MTCL1: variants seen among roughly 807,000 people sequenced by gnomAD.
The protein encoded by MTCL1 is microtubule crosslinking factor 1.
Under a neutral mutation model 141.4 loss-of-function variants are expected in MTCL1, and 79 were observed. That is an observed-to-expected ratio of 0.56 (90% CI 0.47 to 0.67). MTCL1 has a LOEUF of 0.67. Ranked by LOEUF, MTCL1 falls within the 30% of genes least tolerant of loss-of-function variation. The probability of loss-of-function intolerance (pLI) is 0.00; values close to 1 mark genes in which losing one functional copy is unlikely to be tolerated. For synonymous variants in MTCL1, 914 were observed against 875.8 expected, an observed-to-expected ratio of 1.04 and a Z score of -0.77; for missense variants, 2,177 against 2,113.9, an observed-to-expected ratio of 1.03 and a Z score of -0.59.
chr18:8,773,373 AT>A (rs1233914533), intron 4 of MTCL1, among the ~76,000 whole-genome samples: 6 of 152,150 alleles, frequency 3.9e-5, no homozygotes, highest in African/African-American at 1.4e-4. Context: ...GTGAAAAAAA[AT>A]CTTGTTTTAA....
chr18:8,706,056 G>T, exon 1 of MTCL1: 2 of 1,189,136 alleles, frequency 1.7e-6, no homozygotes, highest in Middle Eastern at 3.4e-4. Context: ...GCAGGAGGGC[G>T]GCGCGCGTGG....
chr18:8,762,154 A>G (rs975384871), intron 4 of MTCL1, among the ~76,000 whole-genome samples: 9 of 152,158 alleles, frequency 5.9e-5, no homozygotes, highest in Non-Finnish European at 1.3e-4. Context: ...GTGTTCAGGT[A>G]TAGGTTTGAG....
chr18:8,825,370 T>C (rs776702257), exon 15 of MTCL1: 1 of 1,536,148 alleles, frequency 6.5e-7, no homozygotes, highest in Non-Finnish European at 8.8e-7. Flanking sequence ...ATGAAGGAGG[T>C]GGCCTTCTCT....
rs115256052 is a variant in MTCL1 at position 8,825,117 on chromosome 18, G to A, written c.3607G>A (p.Asp1203Asn). The change falls in exon 15 of 17, where the codon GAC becomes AAC. Residue 1203 changes from aspartate to asparagine, a missense_variant. Transcript: ENST00000359865. Reference sequence around the variant, plus strand: ...CAGCCCGCCTGCCGTGCGCAGGGTCGACAGCATCACGGCGGCAGGTGGTGA... The same window carrying A: ...CAGCCCGCCTGCCGTGCGCAGGGTCAACAGCATCACGGCGGCAGGTGGTGA... 47 of 1,598,442 alleles carry A rather than the reference G, an allele frequency of 2.9e-5. No individual in the cohort carries two copies. In the East Asian group the frequency reaches 4.7e-4, roughly 16 times the overall value.
At chr18:8,735,718 G>A (rs983437697) in intron 4 of MTCL1, among the ~76,000 whole-genome samples, 3 of 152,094 alleles carry the variant, frequency 2.0e-5, no homozygotes, top group South Asian at 2.1e-4. Context: ...GTGAAGGCCC[G>A]CTGAGAGCCA....
At chr18:8,812,750 C>A in intron 11 of MTCL1, 3 of 508,046 alleles carry the variant, frequency 5.9e-6, no homozygotes, top group East Asian at 3.5e-5. Flanking sequence ...GAAAGTGGAG[C>A]AGGGAAGCTG....
exon 7 of MTCL1, chr18:8,786,084 G>A: frequency 6.4e-7 from 1 of 1,568,908 alleles, no homozygotes; most frequent in South Asian, 1.2e-5. Flanking sequence ...ACCTGCTTCA[G>A]CCTGGAGGTC....
intron 4 of MTCL1, among the ~76,000 whole-genome samples, chr18:8,768,250 G>T (rs538514982): frequency 1.3e-5 from 2 of 152,230 alleles, no homozygotes; most frequent in African/African-American, 2.4e-5. Flanking sequence ...ATTTTTTGGT[G>T]CATTTGAAAA....
intron 5 of MTCL1, among the ~76,000 whole-genome samples, chr18:8,781,494 A>T (rs2096532545): frequency 6.6e-6 from 1 of 152,210 alleles, no homozygotes; most frequent in African/African-American, 2.4e-5. Context: ...TTTATATGTT[A>T]TTCTCCTAAC....
upstream of MTCL1, chr18:8,705,616 C>A (rs986111536): frequency 2.8e-4 from 338 of 1,213,882 alleles, 1 homozygote; most frequent in Non-Finnish European, 3.4e-4. This position sits in a 1 kb window ranked among gnomAD's most constrained non-coding sequence, Gnocchi z 5.2. Context: ...CCGCCGTCGT[C>A]GTCCGGAGCA....
chr18:8,829,950 A>G, intron 16 of MTCL1: 1 of 985,422 alleles, frequency 1.0e-6, no homozygotes, highest in African/African-American at 1.7e-5. Context: ...GAATGGTCTC[A>G]TAAAAAGCCT....
chr18:8,706,775 G>T (rs2096060193), intron 1 of MTCL1, 62 bp downstream of exon 1: 1 of 1,530,172 alleles, frequency 6.5e-7, no homozygotes. Context: ...CTGCGGCGGG[G>T]ACCCGCCAAC....
chr18:8,760,193 G>A (rs1373119197), intron 4 of MTCL1, among the ~76,000 whole-genome samples: 2 of 152,166 alleles, frequency 1.3e-5, no homozygotes, highest in African/African-American at 4.8e-5. Context: ...CTGCCTCCTT[G>A]TAAGTCCCTT....
exon 1 of MTCL1, chr18:8,706,026 T>C: frequency 8.5e-7 from 1 of 1,173,310 alleles, no homozygotes; most frequent in Non-Finnish European, 1.1e-6. Flanking sequence ...CGGCGGGCGG[T>C]GCCAAGGCTG....
chr18:8,831,382 TTAATCA>T, intron 16 of MTCL1: 1 of 1,380,952 alleles, frequency 7.2e-7, no homozygotes. Flanking sequence ...ATTGCTGTGT[TTAATCA>T]TAATTGGTCT....
chr18:8,724,545 C>T (rs2096195107), intron 4 of MTCL1, among the ~76,000 whole-genome samples: 1 of 152,200 alleles, frequency 6.6e-6, no homozygotes, highest in Non-Finnish European at 1.5e-5. Context: ...TACACGATTT[C>T]TAGTCCTTTC....
At chr18:8,789,654 G>A in intron 7 of MTCL1, 1 of 985,386 alleles carries the variant, frequency 1.0e-6, no homozygotes, top group South Asian at 4.7e-5. Flanking sequence ...AAGTGAGGGT[G>A]GTGGTGGTTT....
intron 16 of MTCL1, chr18:8,829,848 C>T (rs1362754512): frequency 3.0e-6 from 3 of 985,032 alleles, no homozygotes; most frequent in African/African-American, 3.5e-5. Context: ...TTGTACATGC[C>T]GGTGTGTTAC....
intron 4 of MTCL1, among the ~76,000 whole-genome samples, chr18:8,771,976 G>A (rs773798983): frequency 6.6e-6 from 1 of 152,198 alleles, no homozygotes; most frequent in Non-Finnish European, 1.5e-5. Flanking sequence ...AATAAACTGG[G>A]CATGACTAAT....
Sources: allele counts gnomAD v4.1 joint callset (sites outside exome capture counted in the v4.1 genomes callset), GRCh38; gene constraint gnomAD v4.1.1; non-coding constraint Gnocchi (gnomAD v3.1); transcripts MANE v1.5; gene names NCBI Gene and HGNC (gene_info 2026-07-23, HGNC 2026-07-21).